Variants in PPP3CC observed in about 807,000 individuals in gnomAD.
PPP3CC encodes serine/threonine-protein phosphatase 2B catalytic subunit gamma isoform.
Under a neutral mutation model 60.3 loss-of-function variants are expected in PPP3CC, and 35 were observed. The observed-to-expected ratio is 0.58, with a 90% confidence interval of 0.44 to 0.77. PPP3CC has a LOEUF of 0.77. Ranked by LOEUF, PPP3CC falls within the 30% of genes least tolerant of loss-of-function variation. PPP3CC has a pLI of 0.00. For synonymous variants in PPP3CC, 206 were observed against 224.3 expected, an observed-to-expected ratio of 0.92 and a Z score of 0.73; for missense variants, 570 against 628.9, an observed-to-expected ratio of 0.91 and a Z score of 1.00.
intron 1 of PPP3CC, among the ~76,000 whole-genome samples, chr8:22,454,916 C>T (rs2404237): frequency 0.51 from 76,939 of 151,392 alleles, 20,041 homozygotes; most frequent in African/African-American, 0.62. Context: ...ATTAGCCGGG[C>T]GCGGTGGTGG....
intron 1 of PPP3CC, among the ~76,000 whole-genome samples, chr8:22,459,892 C>A (rs886898744): frequency 6.6e-6 from 1 of 152,054 alleles, no homozygotes; most frequent in African/African-American, 2.4e-5. Context: ...ACCATAAACG[C>A]TGACAATTGG....
At chr8:22,538,061 C>A (rs1386698308) in intron 12 of PPP3CC, among the ~76,000 whole-genome samples, 1 of 152,158 alleles carries the variant, frequency 6.6e-6, no homozygotes, top group Non-Finnish European at 1.5e-5. Context: ...TATATGAATT[C>A]TATTTCAGTT....
chr8:22,475,121 A>C lies in PPP3CC; in HGVS notation c.217A>C (p.Thr73Pro). The change falls in exon 2 of 14, where the codon ACT becomes CCT. Residue 73 changes from threonine (T) to proline (P), a missense_variant. Transcript: ENST00000240139. ...DGAAILRQEK[T>P]MIEVDAPITV... is the part of the protein sequence containing the mutation. ...GGCTGCCATCCTGAGGCAAGAGAAG[A>C]CTATGATAGAAGTAGATGCTCCAAT... The C allele has an allele frequency of 6.2e-7, 1 of 1,612,786 alleles. No individual in the cohort carries two copies. The highest frequency in any genetic ancestry group is 1.7e-5 in the Admixed American group (1 of 60,014).
intron 1 of PPP3CC, among the ~76,000 whole-genome samples, chr8:22,442,369 A>C (rs545596300): frequency 2.6e-5 from 4 of 152,308 alleles, no homozygotes; most frequent in Non-Finnish European, 2.9e-5. Flanking sequence ...AGTGGGGAAA[A>C]TTATTAAGAT....
At chr8:22,501,604 T>C (rs1838764031) in intron 4 of PPP3CC, among the ~76,000 whole-genome samples, 1 of 152,236 alleles carries the variant, frequency 6.6e-6, no homozygotes, top group African/African-American at 2.4e-5. Flanking sequence ...TCGCCACCAG[T>C]GGTAGTTCCC....
intron 4 of PPP3CC, among the ~76,000 whole-genome samples, chr8:22,501,126 C>G (rs1838749430): frequency 6.6e-6 from 1 of 152,168 alleles, no homozygotes. Context: ...CACCACTACA[C>G]TCCAGCCTGG....
At chr8:22,499,768 A>G (rs780884980) in intron 4 of PPP3CC, among the ~76,000 whole-genome samples, 1 of 152,110 alleles carries the variant, frequency 6.6e-6, no homozygotes, top group African/African-American at 2.4e-5. Context: ...CATACATTCT[A>G]TTTCATTCAT....
chr8:22,457,019 T>TCCCTCCCTC (rs1837217586), intron 1 of PPP3CC, among the ~76,000 whole-genome samples: 1 of 17,656 alleles, frequency 5.7e-5, no homozygotes, highest in South Asian at 3.2e-3. Context: ...CTCCCTCCCT[T>TCCCTCCCTC]CCTCCCTTCC....
intron 12 of PPP3CC, among the ~76,000 whole-genome samples, chr8:22,535,140 G>A (rs929183228): frequency 6.6e-6 from 1 of 152,154 alleles, no homozygotes. Flanking sequence ...AGTTTGAGGG[G>A]GTTGCAGTTT....
At chr8:22,533,116 G>C (rs1173947715) in intron 12 of PPP3CC, 98 bp downstream of exon 12, 2 of 875,990 alleles carry the variant, frequency 2.3e-6, no homozygotes, top group African/African-American at 1.8e-5. Flanking sequence ...AATGCCACGA[G>C]AGCAGTTGGT....
chr8:22,475,295 G>A (rs1191017087), intron 2 of PPP3CC, 144 bp downstream of exon 2: 1 of 984,462 alleles, frequency 1.0e-6, no homozygotes, highest in African/African-American at 1.6e-5. Context: ...TAGGATATTT[G>A]TTGTTAATTG....
intron 3 of PPP3CC, among the ~76,000 whole-genome samples, chr8:22,497,132 C>T (rs943977366): frequency 1.3e-5 from 2 of 152,020 alleles, no homozygotes; most frequent in African/African-American, 2.4e-5. Context: ...CGGGTTCAAG[C>T]GATTCTCATG....
At chr8:22,520,263 C>G (rs1030619919) in intron 6 of PPP3CC, among the ~76,000 whole-genome samples, 1 of 151,856 alleles carries the variant, frequency 6.6e-6, no homozygotes, top group Non-Finnish European at 1.5e-5. Context: ...CAGATTTTTT[C>G]TTTTTGAGTT....
intron 1 of PPP3CC, among the ~76,000 whole-genome samples, chr8:22,452,328 C>T (rs749395428): frequency 3.3e-5 from 5 of 152,182 alleles, no homozygotes; most frequent in Non-Finnish European, 7.3e-5. Flanking sequence ...GCCACTGTGC[C>T]TGGCCCTGCG....
chr8:22,479,988 C>T (rs962498331), intron 3 of PPP3CC, among the ~76,000 whole-genome samples: 1 of 151,938 alleles, frequency 6.6e-6, no homozygotes, highest in Non-Finnish European at 1.5e-5. Context: ...TTCATGAGTC[C>T]GTCAGTTTCT....
chr8:22,487,741 A>G (rs1250557148), intron 3 of PPP3CC, among the ~76,000 whole-genome samples: 2 of 152,238 alleles, frequency 1.3e-5, no homozygotes, highest in African/African-American at 4.8e-5. Context: ...GAACATTTTC[A>G]GCAAAGATAT....
At chr8:22,457,525 C>G (rs1008958175) in intron 1 of PPP3CC, among the ~76,000 whole-genome samples, 3 of 151,516 alleles carry the variant, frequency 2.0e-5, no homozygotes, top group Admixed American at 2.0e-4. Context: ...CCAGGCTGCT[C>G]TTGAACTCCA....
chr8:22,488,437 GT>G (rs1471084487), intron 3 of PPP3CC, among the ~76,000 whole-genome samples: 5 of 152,196 alleles, frequency 3.3e-5, no homozygotes, highest in Admixed American at 2.6e-4. Flanking sequence ...GTACAATGAT[GT>G]TTGAATTGTT....
intron 3 of PPP3CC, among the ~76,000 whole-genome samples, chr8:22,478,344 G>T (rs1179509729): frequency 6.6e-6 from 1 of 151,440 alleles, no homozygotes; most frequent in Non-Finnish European, 1.5e-5. Flanking sequence ...TAGAGATGGG[G>T]TTTCACCATC....
Sources: gnomAD v4.1 joint callset for allele counts (sites outside exome capture counted in the v4.1 genomes callset) on GRCh38, gnomAD v4.1.1 for gene constraint, MANE v1.5 for transcripts, NCBI Gene and HGNC (gene_info 2026-07-23, HGNC 2026-07-21) for gene names.